PIWIL3: variants seen among roughly 807,000 people sequenced by gnomAD.
PIWIL3 encodes the protein piwi like RNA-mediated gene silencing 3.
A neutral mutation model predicts 109.7 loss-of-function variants in PIWIL3; 101 were observed. The observed-to-expected ratio is 0.92, with a 90% CI of 0.78 to 1.09. PIWIL3 has a LOEUF of 1.09. Ranked by LOEUF, PIWIL3 falls within the 50% of genes least tolerant of loss-of-function variation. PIWIL3 has a pLI of 0.00. For missense variants in PIWIL3, 1,031 were observed against 1,072.6 expected (o/e 0.96, Z 0.54); for synonymous variants, 373 against 376.4 (o/e 0.99, Z 0.10).
At chr22:24,733,586 CAGG>C (rs952729540) in intron 14 of PIWIL3, among the ~76,000 whole-genome samples, 16 of 152,178 alleles carry the variant, frequency 1.1e-4, no homozygotes, top group African/African-American at 3.9e-4. Context: ...GAGGCTGAGG[CAGG>C]AGAATTGCTT....
Position 24,719,404 on chromosome 22 carries a change from C to G in PIWIL3, c.*68G>C. The stretch of plus-strand genomic sequence containing the variant: ...GGACCTAGGAAAATATTTCAGACAT[C>G]CTGCTTCAAAAGGAAGACAGGCTTA... On this transcript the variant is annotated 3_prime_UTR_variant, in exon 21 of 21. Coordinates refer to ENST00000616349, the MANE Select transcript of PIWIL3 (RefSeq NM_001255975.1). The G allele has an allele frequency of 8.1e-7, 1 of 1,227,700 alleles. No homozygotes were observed. The allele number at this position is 1,227,700 out of a possible 1,614,324, so 76.1% of individuals were successfully genotyped here.
intron 19 of PIWIL3, among the ~76,000 whole-genome samples, chr22:24,720,948 CTTGTT>C (rs1922640996): frequency 6.6e-6 from 1 of 152,152 alleles, no homozygotes. Context: ...TATTTTAGGT[CTTGTT>C]TTAATATACC....
chr22:24,740,149 T>C (rs1372034674), intron 12 of PIWIL3, among the ~76,000 whole-genome samples: 3 of 129,822 alleles, frequency 2.3e-5, no homozygotes, highest in Non-Finnish European at 4.7e-5. Flanking sequence ...ACCCAGGAGG[T>C]GGAGTTTGCA....
At chr22:24,724,569 G>A (rs1262972578) in intron 18 of PIWIL3, among the ~76,000 whole-genome samples, 4 of 151,876 alleles carry the variant, frequency 2.6e-5, no homozygotes, top group Admixed American at 2.6e-4. Flanking sequence ...CGAGTAGCTG[G>A]GATTACAGGC....
At chr22:24,757,678 A>ATATATATAAAATATGTATATAT (rs1925163893) in intron 4 of PIWIL3, among the ~76,000 whole-genome samples, 3 of 150,370 alleles carry the variant, frequency 2.0e-5, no homozygotes, top group African/African-American at 7.3e-5. Flanking sequence ...ACACACACAC[A>ATATATATAAAATATGTATATAT]CACACACACA....
intron 6 of PIWIL3, 47 bp downstream of exon 6, chr22:24,755,737 T>C (rs1311399964): frequency 1.2e-6 from 2 of 1,610,020 alleles, no homozygotes; most frequent in Non-Finnish European, 1.7e-6. Context: ...CACTACACAG[T>C]AAAACAACCG....
At chr22:24,744,068 A>G (rs927905873) in intron 12 of PIWIL3, among the ~76,000 whole-genome samples, 2 of 151,486 alleles carry the variant, frequency 1.3e-5, no homozygotes, top group Non-Finnish European at 2.9e-5. Flanking sequence ...GAGGAAGAAG[A>G]GACTATAAAA....
At chr22:24,727,842 T>C (rs1923085889) in intron 16 of PIWIL3, 108 bp downstream of exon 16, 2 of 831,550 alleles carry the variant, frequency 2.4e-6, no homozygotes, top group Admixed American at 2.7e-5. Context: ...GAATAACTCA[T>C]CTGTCAAATT....
chr22:24,763,936 T>G (rs1925617804), intron 1 of PIWIL3, among the ~76,000 whole-genome samples: 1 of 152,166 alleles, frequency 6.6e-6, no homozygotes, highest in African/African-American at 2.4e-5. Context: ...GGGTTCTTGG[T>G]CCCAACACCG....
intron 1 of PIWIL3, among the ~76,000 whole-genome samples, chr22:24,766,688 G>A (rs570262653): frequency 6.6e-6 from 1 of 152,244 alleles, no homozygotes; most frequent in South Asian, 2.1e-4. Flanking sequence ...CCAGATCCTT[G>A]ATGTACACAT....
At chr22:24,767,115 C>T (rs767492515) in intron 1 of PIWIL3, among the ~76,000 whole-genome samples, 10 of 151,684 alleles carry the variant, frequency 6.6e-5, no homozygotes, top group African/African-American at 2.2e-4. Context: ...CACTCCAGCC[C>T]GGGTGACAGA....
chr22:24,749,662 A>C, intron 10 of PIWIL3, 31 bp downstream of exon 10: 1 of 1,614,102 alleles, frequency 6.2e-7, no homozygotes, highest in Non-Finnish European at 8.5e-7. Context: ...ATTATACCTG[A>C]CTTTAAAGAG....
At chr22:24,762,572 A>G in intron 1 of PIWIL3, 51 bp from the exon 2 acceptor site, 1 of 1,442,196 alleles carries the variant, frequency 6.9e-7, no homozygotes, top group Non-Finnish European at 9.4e-7. Flanking sequence ...CTGGTGTCTT[A>G]CTCTCTTTAG....
intron 14 of PIWIL3, 23 bp from the exon 15 acceptor site, chr22:24,728,397 A>G (rs370786915): frequency 5.6e-6 from 9 of 1,613,984 alleles, no homozygotes; most frequent in South Asian, 2.2e-5. Flanking sequence ...CAAACATGAC[A>G]TTCCCTAAGA....
At chr22:24,749,670 G>C in intron 10 of PIWIL3, 23 bp downstream of exon 10, 2 of 1,614,154 alleles carry the variant, frequency 1.2e-6, no homozygotes, top group Non-Finnish European at 1.7e-6. Flanking sequence ...TGACTTTAAA[G>C]AGGGGCTGTA....
chr22:24,757,875 G>T (rs1312142063), intron 4 of PIWIL3, 33 bp downstream of exon 4: 2 of 1,556,276 alleles, frequency 1.3e-6, no homozygotes, highest in South Asian at 1.2e-5. Flanking sequence ...AAAACGAACA[G>T]CTCCATAAAC....
intron 2 of PIWIL3, 109 bp downstream of exon 2, chr22:24,762,289 C>T (rs918954046): frequency 6.9e-7 from 1 of 1,448,090 alleles, no homozygotes; most frequent in Non-Finnish European, 9.1e-7. Flanking sequence ...TTTTATTAGT[C>T]CTCACTTAGC....
At chr22:24,764,295 C>T (rs1175394405) in intron 1 of PIWIL3, among the ~76,000 whole-genome samples, 1 of 152,228 alleles carries the variant, frequency 6.6e-6, no homozygotes, top group African/African-American at 2.4e-5. Context: ...CTTCTTGCCT[C>T]ACCATTAACC....
At chr22:24,772,699 A>G (rs1926194969) in intron 1 of PIWIL3, among the ~76,000 whole-genome samples, 1 of 143,478 alleles carries the variant, frequency 7.0e-6, no homozygotes. Flanking sequence ...CTAGGATCCC[A>G]GGAATTAGAA....
Sources: allele counts gnomAD v4.1 joint callset (sites outside exome capture counted in the v4.1 genomes callset), GRCh38; gene constraint gnomAD v4.1.1; transcripts MANE v1.5; gene names NCBI Gene and HGNC (gene_info 2026-07-23, HGNC 2026-07-21).